Variants in PURG observed in about 807,000 individuals in gnomAD.
PURG encodes purine-rich element-binding protein gamma.
A neutral mutation model predicts 24.3 loss-of-function variants in PURG; 3 were observed. The observed-to-expected ratio is 0.12, with a 90% CI of 0.06 to 0.32. The LOEUF is 0.32. Among genes scored for constraint, PURG ranks in the 10% least tolerant of loss-of-function variants. The probability of loss-of-function intolerance (pLI) is 1.00; values close to 1 mark genes in which losing one functional copy is unlikely to be tolerated. For synonymous variants in PURG, 180 were observed against 173.1 expected, an observed-to-expected ratio of 1.04 and a Z score of -0.31; for missense variants, 371 against 439.1, an observed-to-expected ratio of 0.84 and a Z score of 1.39.
intron 1 of PURG, among the ~76,000 whole-genome samples, chr8:31,019,145 A>G: frequency 2.3e-5 from 1 of 44,342 alleles, no homozygotes; most frequent in Non-Finnish European, 5.0e-5. Flanking sequence ...AAAAAAAAAA[A>G]AAAAAAAAAA....
downstream of PURG, among the ~76,000 whole-genome samples, chr8:31,030,203 A>T (rs1199175348): frequency 6.6e-6 from 1 of 152,054 alleles, no homozygotes; most frequent in Non-Finnish European, 1.5e-5. Context: ...TTTAGCATAT[A>T]AAAGAAGAGC....
At chr8:31,027,854 T>G (rs542193258), downstream of PURG, among the ~76,000 whole-genome samples, 205 of 151,828 alleles carry the variant, frequency 1.4e-3, no homozygotes, top group African/African-American at 4.6e-3. Flanking sequence ...CCCTTTTTAG[T>G]TGGGGAAGGT....
At position 31,014,591 on chromosome 8, in the gene PURG, G is replaced by A. The variant is rs1810824511; in HGVS notation, c.864+17328C>T. ...TTTTACCTATTTCCTCCCAAATTGT[G>A]TTTCTATTAAAGCTGTTTAAAGGTA... On this transcript the variant is annotated intron_variant, in intron 1 of 1. Transcript: ENST00000339382. Among the ~76,000 whole-genome samples, 14 of 152,216 alleles carry A rather than the reference G, an allele frequency of 9.2e-5. No individual in the cohort carries two copies. In the South Asian group the frequency reaches 2.7e-3, roughly 29 times the overall value.
intron 1 of PURG, among the ~76,000 whole-genome samples, chr8:31,009,100 A>G (rs1810714200): frequency 6.6e-6 from 1 of 152,210 alleles, no homozygotes; most frequent in African/African-American, 2.4e-5. Context: ...GATTTAGCCA[A>G]TATGAAACTT....
rs933304038 is a variant in PURG, at chr8:31,030,859, T to C, written c.*880A>G. 6.6e-6 allele frequency: 1 copy of C among 152,022 alleles called. No individual in the cohort carries two copies. The highest frequency in any genetic ancestry group is 1.5e-5 in the Non-Finnish European group (1 of 67,936). The allele number at this position is 152,022 out of a possible 1,614,324, so 9.4% of individuals were successfully genotyped here. The stretch of plus-strand genomic sequence containing the variant: ...CATAAAGTATAACACCTTGAGTCCA[T>C]GATATATTTTGGGGAAGAAACCTCT... On this transcript the variant is annotated 3_prime_UTR_variant, in exon 2 of 2. Transcript: ENST00000523392.
intron 1 of PURG, among the ~76,000 whole-genome samples, chr8:31,014,888 C>T (rs1316019393): frequency 6.6e-6 from 1 of 152,200 alleles, no homozygotes; most frequent in African/African-American, 2.4e-5. Flanking sequence ...GGAATAAAGG[C>T]TTACCTCCCC....
chr8:31,025,363 A>T (rs904035182), intron 1 of PURG, among the ~76,000 whole-genome samples: 1 of 151,926 alleles, frequency 6.6e-6, no homozygotes, highest in African/African-American at 2.4e-5. Context: ...TGCTTTTAAA[A>T]TATGTTTAAG....
At chr8:31,013,416 A>C (rs766039286) in intron 1 of PURG, among the ~76,000 whole-genome samples, 17 of 152,174 alleles carry the variant, frequency 1.1e-4, no homozygotes, top group South Asian at 6.2e-4. Flanking sequence ...AACTTGGGGA[A>C]TTTTCAGGCT....
chr8:31,012,303 T>C (rs1288182449), intron 1 of PURG, among the ~76,000 whole-genome samples: 1 of 152,222 alleles, frequency 6.6e-6, no homozygotes, highest in South Asian at 2.1e-4. Flanking sequence ...CTTTAAAACT[T>C]TTGTGTACAG....
intron 1 of PURG, among the ~76,000 whole-genome samples, chr8:31,016,587 A>C (rs1325245784): frequency 1.5e-4 from 21 of 139,220 alleles, no homozygotes; most frequent in South Asian, 2.2e-4. Context: ...GAACCAAAAA[A>C]AAAAAAAAAA....
At chr8:31,026,987 A>G (rs754907504), downstream of PURG, among the ~76,000 whole-genome samples, 7 of 151,736 alleles carry the variant, frequency 4.6e-5, no homozygotes, top group Non-Finnish European at 7.4e-5. Flanking sequence ...TGAAAACCCA[A>G]TTTTCACATG....
At chr8:31,030,621 T>A (rs1811175766), downstream of PURG, among the ~76,000 whole-genome samples, 1 of 151,682 alleles carries the variant, frequency 6.6e-6, no homozygotes. Flanking sequence ...TTTCTCAGAC[T>A]GGAAATTTGT....
intron 1 of PURG, among the ~76,000 whole-genome samples, chr8:31,022,721 C>A (rs1180094609): frequency 2.0e-5 from 3 of 152,110 alleles, no homozygotes; most frequent in Non-Finnish European, 4.4e-5. Context: ...ACATGAGATA[C>A]CCTTTTTGGA....
chr8:31,023,462 G>A (rs567942729), intron 1 of PURG, among the ~76,000 whole-genome samples: 120 of 151,804 alleles, frequency 7.9e-4, no homozygotes, highest in Admixed American at 5.2e-4. Flanking sequence ...GCAGTGGCGG[G>A]GCACTGCATA....
chr8:31,001,254 T>C (rs774386275), intron 1 of PURG, among the ~76,000 whole-genome samples: 5 of 152,226 alleles, frequency 3.3e-5, no homozygotes, highest in Non-Finnish European at 5.9e-5. Flanking sequence ...TCCCTGGTAA[T>C]AGTCCTATAT....
chr8:31,004,107 G>A (rs940056462), intron 1 of PURG, among the ~76,000 whole-genome samples: 1 of 152,104 alleles, frequency 6.6e-6, no homozygotes, highest in Non-Finnish European at 1.5e-5. Context: ...TAAATTTACT[G>A]CCACTCCCCA....
chr8:30,996,875 C>T (rs1398148991), intron 1 of PURG, among the ~76,000 whole-genome samples: 1 of 151,668 alleles, frequency 6.6e-6, no homozygotes, highest in Non-Finnish European at 1.5e-5. Context: ...GAAGCTACTG[C>T]ATAAGAAATG....
chr8:31,016,433 TAAAA>T (rs2129811544), intron 1 of PURG, among the ~76,000 whole-genome samples: 1 of 150,320 alleles, frequency 6.7e-6, no homozygotes, highest in East Asian at 1.9e-4. Flanking sequence ...AATAAATAAA[TAAAA>T]TAAAGTGAGC....
At chr8:31,001,102 T>C (rs1047741393) in intron 1 of PURG, among the ~76,000 whole-genome samples, 1 of 152,236 alleles carries the variant, frequency 6.6e-6, no homozygotes, top group African/African-American at 2.4e-5. Flanking sequence ...AGAAACTTCA[T>C]AGTATGTGTG....
Sources: allele counts gnomAD v4.1 joint callset (sites outside exome capture counted in the v4.1 genomes callset), GRCh38; gene constraint gnomAD v4.1.1; transcripts MANE v1.5; gene names NCBI Gene and HGNC (gene_info 2026-07-23, HGNC 2026-07-21).